STXBP5L: variants seen among roughly 807,000 people sequenced by gnomAD.
The protein encoded by STXBP5L is syntaxin binding protein 5L.
Under a neutral mutation model 144.5 loss-of-function variants are expected in STXBP5L, and 65 were observed. The observed-to-expected ratio is 0.45, with a 90% CI of 0.37 to 0.55. The LOEUF is 0.55. Ranked by LOEUF, STXBP5L falls within the 20% of genes least tolerant of loss-of-function variation. The pLI is 0.00. For missense variants in STXBP5L, 1,298 were observed against 1,405.5 expected, an observed-to-expected ratio of 0.92 and a Z score of 1.22; for synonymous variants, 505 against 469.6, an observed-to-expected ratio of 1.08 and a Z score of -0.97.
rs1243731198 is a variant in STXBP5L, at chr3:121,021,133, G to A, written c.288-20567G>A. On this transcript the variant is annotated intron_variant, in intron 3 of 26. Transcript: ENST00000471454. ...CAGGAGTAGCTATTTTTTAATATCAGACAAAACAAAGTTTAAAGCAACAGC... is the reference window on the plus strand; with the variant it reads ...CAGGAGTAGCTATTTTTTAATATCAAACAAAACAAAGTTTAAAGCAACAGC... Among the ~76,000 whole-genome samples, 4 of 152,080 alleles carry A rather than the reference G, an allele frequency of 2.6e-5. No individual in the cohort carries two copies. The East Asian group carries it at 7.8e-4, about 29-fold the overall frequency.
intron 22 of STXBP5L, among the ~76,000 whole-genome samples, chr3:121,386,786 T>G (rs1362041843): frequency 6.6e-6 from 1 of 152,228 alleles, no homozygotes; most frequent in African/African-American, 2.4e-5. Flanking sequence ...TGCCAAATTT[T>G]CTTAATCCAG....
chr3:121,359,593 G>C (rs532316870), intron 20 of STXBP5L, among the ~76,000 whole-genome samples: 4 of 152,062 alleles, frequency 2.6e-5, no homozygotes, highest in Admixed American at 6.6e-5. Context: ...TTATATTTAA[G>C]TCTTTAATCC....
chr3:121,066,390 G>GA (rs985894936), intron 5 of STXBP5L, among the ~76,000 whole-genome samples: 14 of 148,494 alleles, frequency 9.4e-5, no homozygotes, highest in African/African-American at 3.2e-4. Flanking sequence ...ACGCTTATAG[G>GA]AAATATATAT....
intron 21 of STXBP5L, 47 bp downstream of exon 21, chr3:121,378,933 T>C: frequency 6.4e-7 from 1 of 1,573,580 alleles, no homozygotes; most frequent in Non-Finnish European, 8.7e-7. Context: ...AAATTTGGTT[T>C]ACAATGGTAA....
intron 3 of STXBP5L, among the ~76,000 whole-genome samples, chr3:121,031,509 AG>A (rs1175808049): frequency 1.3e-5 from 2 of 152,098 alleles, no homozygotes; most frequent in Non-Finnish European, 2.9e-5. Flanking sequence ...CTGGAGACCC[AG>A]GGATGATTGA....
chr3:121,127,691 T>G (rs1235331181), intron 7 of STXBP5L, among the ~76,000 whole-genome samples: 1 of 151,908 alleles, frequency 6.6e-6, no homozygotes, highest in Non-Finnish European at 1.5e-5. Flanking sequence ...CTGAATAAAG[T>G]CACATTCTGA....
intron 10 of STXBP5L, among the ~76,000 whole-genome samples, chr3:121,218,908 C>T (rs1356203460): frequency 6.6e-6 from 1 of 152,072 alleles, no homozygotes; most frequent in African/African-American, 2.4e-5. Context: ...ATAATGGATA[C>T]AGCCTGTAAT....
chr3:121,148,652 A>C (rs995054619), intron 7 of STXBP5L, among the ~76,000 whole-genome samples: 22 of 152,228 alleles, frequency 1.4e-4, no homozygotes, highest in Middle Eastern at 3.4e-3. Context: ...AGGAAATGGA[A>C]CTCATATACA....
At chr3:121,398,767 T>A (rs2046798172) in intron 22 of STXBP5L, among the ~76,000 whole-genome samples, 1 of 152,180 alleles carries the variant, frequency 6.6e-6, no homozygotes, top group African/African-American at 2.4e-5. Context: ...GGCCTTGATA[T>A]AATCAACTAA....
intron 2 of STXBP5L, among the ~76,000 whole-genome samples, chr3:120,933,134 C>T (rs1476216994): frequency 6.6e-6 from 1 of 151,882 alleles, no homozygotes; most frequent in African/African-American, 2.4e-5. Flanking sequence ...CAACATGGCA[C>T]ATGTATACAT....
chr3:121,095,343 G>T (rs933633705), intron 5 of STXBP5L, among the ~76,000 whole-genome samples: 12 of 152,124 alleles, frequency 7.9e-5, no homozygotes, highest in Non-Finnish European at 1.3e-4. Flanking sequence ...GTCCTTCTAG[G>T]TTGGGGAAGT....
intron 23 of STXBP5L, among the ~76,000 whole-genome samples, chr3:121,408,957 A>G (rs1161855208): frequency 6.6e-6 from 1 of 151,970 alleles, no homozygotes; most frequent in Non-Finnish European, 1.5e-5. Flanking sequence ...GAAAGTCAGA[A>G]GGATTTGAAA....
At position 121,239,071 on chromosome 3, in the gene STXBP5L, C is replaced by A; in HGVS notation, c.1285C>A (p.Leu429Met). 6.2e-7 allele frequency: 1 copy of A among 1,608,604 alleles called. No homozygotes were observed. The highest frequency in any genetic ancestry group is 8.5e-7 in the Non-Finnish European group (1 of 1,177,484). ...TTGTCCTCCGGATTTGATTCTAGTACTGTATTCTATAGGAGTCAAGCATAA... is the reference window on the plus strand; with the variant it reads ...TTGTCCTCCGGATTTGATTCTAGTAATGTATTCTATAGGAGTCAAGCATAA... ...ADCPPDLILV[L>M]YSIGVKHKKQ... Residue 429 changes from leucine (L) to methionine (M), a missense_variant, in exon 13 of 27, where the codon CTG becomes ATG. Coordinates refer to ENST00000471454, the MANE Select transcript of STXBP5L (RefSeq NM_001308330.2).
intron 22 of STXBP5L, among the ~76,000 whole-genome samples, chr3:121,388,716 C>A (rs1333228548): frequency 2.0e-5 from 3 of 152,144 alleles, no homozygotes. Context: ...GTATGTTGAA[C>A]CAGCCTTGCA....
intron 20 of STXBP5L, among the ~76,000 whole-genome samples, chr3:121,338,484 A>G (rs779664611): frequency 2.6e-5 from 4 of 151,766 alleles, no homozygotes; most frequent in Non-Finnish European, 5.9e-5. Flanking sequence ...TCTCTACTAA[A>G]AATACAAAAA....
intron 20 of STXBP5L, among the ~76,000 whole-genome samples, chr3:121,367,122 A>T (rs1014312632): frequency 1.3e-5 from 2 of 152,142 alleles, no homozygotes; most frequent in Admixed American, 6.6e-5. Flanking sequence ...AATTCCTTTA[A>T]ATATATTTAT....
chr3:121,006,207 A>T (rs886442301), intron 3 of STXBP5L, among the ~76,000 whole-genome samples: 4 of 152,088 alleles, frequency 2.6e-5, no homozygotes, highest in Non-Finnish European at 5.9e-5. Flanking sequence ...GTGGGTCTCT[A>T]AGGACTTGCT....
At chr3:121,113,413 A>G (rs1432258129) in intron 5 of STXBP5L, among the ~76,000 whole-genome samples, 1 of 152,156 alleles carries the variant, frequency 6.6e-6, no homozygotes, top group Non-Finnish European at 1.5e-5. Context: ...ATTATTAAAT[A>G]TCTCTTGGCA....
intron 3 of STXBP5L, among the ~76,000 whole-genome samples, chr3:120,967,482 G>A (rs1939738567): frequency 6.6e-6 from 1 of 152,140 alleles, no homozygotes; most frequent in South Asian, 2.1e-4. Context: ...GCAAGCCTGG[G>A]CTGGGATTTT....
Sources: gnomAD v4.1 joint callset for allele counts (sites outside exome capture counted in the v4.1 genomes callset) on GRCh38, gnomAD v4.1.1 for gene constraint, MANE v1.5 for transcripts, NCBI Gene and HGNC (gene_info 2026-07-23, HGNC 2026-07-21) for gene names.